Variants in RBBP5 observed in about 807,000 individuals in gnomAD.
RBBP5 encodes the protein RB binding protein 5, histone lysine methyltransferase complex subunit.
Under a neutral mutation model 72.2 loss-of-function variants are expected in RBBP5, and 5 were observed. The ratio of observed to expected loss-of-function variants is 0.07; its 90% CI spans 0.04 to 0.15. The LOEUF (loss-of-function observed/expected upper bound fraction) is 0.15, where lower values mean the gene tolerates loss of function less well. RBBP5 is among the 10% of genes least tolerant of loss of function. The pLI is 1.00. For missense variants in RBBP5, 322 were observed against 652.2 expected, an observed-to-expected ratio of 0.49 and a Z score of 5.51; for synonymous variants, 209 against 237.2, an observed-to-expected ratio of 0.88 and a Z score of 1.09.
chr1:205,096,986 T>A (rs984275848), intron 11 of RBBP5, 75 bp from the exon 12 acceptor site: 15 of 1,311,312 alleles, frequency 1.1e-5, no homozygotes, highest in African/African-American at 1.5e-5. Flanking sequence ...CCTTCCTCTA[T>A]CACCTATATT....
chr1:205,090,619 CAT>C (rs1334502856), intron 13 of RBBP5, among the ~76,000 whole-genome samples: 1 of 152,136 alleles, frequency 6.6e-6, no homozygotes, highest in Non-Finnish European at 1.5e-5. Context: ...CCCAAGGAAA[CAT>C]ATTATTTAGC....
At chr1:205,121,428 G>T (rs1027408737) in intron 1 of RBBP5, among the ~76,000 whole-genome samples, 1 of 152,160 alleles carries the variant, frequency 6.6e-6, no homozygotes, top group Non-Finnish European at 1.5e-5. Flanking sequence ...TCTACCAGAA[G>T]ATCTCCAAGT....
At chr1:205,106,393 G>C (rs1291746342) in intron 3 of RBBP5, among the ~76,000 whole-genome samples, 1 of 152,190 alleles carries the variant, frequency 6.6e-6, no homozygotes, top group East Asian at 1.9e-4. Flanking sequence ...CCCAGAGTTT[G>C]AGACCAGCCT....
intron 3 of RBBP5, among the ~76,000 whole-genome samples, chr1:205,108,020 G>A (rs991072279): frequency 2.0e-5 from 3 of 151,214 alleles, no homozygotes; most frequent in East Asian, 1.9e-4. Context: ...CAAGGCGGGC[G>A]GATCATGAGG....
At chr1:205,101,101 C>A (rs1655802777) in intron 6 of RBBP5, among the ~76,000 whole-genome samples, 1 of 152,126 alleles carries the variant, frequency 6.6e-6, no homozygotes, top group African/African-American at 2.4e-5. Flanking sequence ...GGGTTGGGGA[C>A]CCCTGCTCTA....
At position 205,086,873 on chromosome 1, in the gene RBBP5, T is replaced by C. The variant is rs1655159323; in HGVS notation, c.*1914A>G. On this transcript the variant is annotated 3_prime_UTR_variant, in exon 14 of 14. Coordinates refer to ENST00000264515, the MANE Select transcript of RBBP5 (RefSeq NM_005057.4). ...TCCCATAGTTTGCACACTGCTGCAG[T>C]GTACAGTGCAGAGGACTGGAATGGA... 2.0e-5 allele frequency: 3 copies of C among 152,146 alleles called. No homozygotes were observed. The highest frequency in any genetic ancestry group is 1.3e-4 in the Admixed American group (2 of 15,272). The allele number at this position is 152,146 out of a possible 1,614,324, so 9.4% of individuals were successfully genotyped here.
rs146334633 is a variant in RBBP5 at position 205,117,198 on chromosome 1, G to A, written c.20-1315C>T. On this transcript the variant is annotated intron_variant, in intron 1 of 13. Transcript: ENST00000264515. Reference sequence around the variant, plus strand: ...TCCTGAGCAGCAGCTGGGATTACAGGCATGTGGCACCATGCCCGGCTAATT... The same window carrying A: ...TCCTGAGCAGCAGCTGGGATTACAGACATGTGGCACCATGCCCGGCTAATT... 7.8e-3 allele frequency among the ~76,000 whole-genome samples: 1,183 copies of A among 152,094 alleles called. 12 individuals carry two copies. The highest frequency in any genetic ancestry group is 0.026 in the African/African-American group (1,100 of 41,550).
At chr1:205,096,405 A>C (rs906493518) in intron 12 of RBBP5, among the ~76,000 whole-genome samples, 1 of 152,142 alleles carries the variant, frequency 6.6e-6, no homozygotes, top group Non-Finnish European at 1.5e-5. Flanking sequence ...CTACGGGGAA[A>C]CATTTAAAAG....
At chr1:205,098,901 G>T in intron 10 of RBBP5, 88 bp downstream of exon 10, 12 of 797,232 alleles carry the variant, frequency 1.5e-5, no homozygotes, top group Non-Finnish European at 2.2e-5. Context: ...ATGAAGTGCT[G>T]AAATAAATTT....
At chr1:205,111,746 C>T (rs1409723621) in intron 3 of RBBP5, among the ~76,000 whole-genome samples, 1 of 152,172 alleles carries the variant, frequency 6.6e-6, no homozygotes, top group Non-Finnish European at 1.5e-5. Flanking sequence ...AAAATAAAAG[C>T]TCATCATGTG....
intron 3 of RBBP5, among the ~76,000 whole-genome samples, chr1:205,107,946 CA>C (rs772446580): frequency 0.057 from 5,657 of 99,952 alleles, 354 homozygotes; most frequent in African/African-American, 0.19. Flanking sequence ...AAATCTGTCT[CA>C]AAAAAAAAAA....
At chr1:205,103,729 A>G in intron 5 of RBBP5, 128 bp downstream of exon 5, 1 of 1,065,942 alleles carries the variant, frequency 9.4e-7, no homozygotes, top group South Asian at 1.9e-5. Context: ...AGAAAATTAG[A>G]CTACATTTGC....
Position 205,100,078 on chromosome 1 carries a change from A to C in RBBP5, c.753-14T>G. 1.2e-6 allele frequency: 2 copies of C among 1,613,804 alleles called. No individual in the cohort carries two copies. Among genetic ancestry groups the C allele is most frequent in the Middle Eastern group, 3.3e-4 (2 of 6,062 alleles). On this transcript the variant is annotated splice_polypyrimidine_tract_variant and intron_variant, in intron 7 of 13. Transcript: ENST00000264515. Reference sequence around the variant, plus strand: ...TTCCATGGGGTCCTAAAGGACAAGGAAAGTACCAAGGAGAGCTGGAACTCA... The same window carrying C: ...TTCCATGGGGTCCTAAAGGACAAGGCAAGTACCAAGGAGAGCTGGAACTCA...
At chr1:205,113,761 T>G (rs1656412703) in intron 3 of RBBP5, among the ~76,000 whole-genome samples, 1 of 150,956 alleles carries the variant, frequency 6.6e-6, no homozygotes, top group South Asian at 2.1e-4. Flanking sequence ...CTCAGCTCAC[T>G]GCAACCTCTG....
At chr1:205,094,738 A>T in intron 13 of RBBP5, 135 bp downstream of exon 13, 1 of 1,062,120 alleles carries the variant, frequency 9.4e-7, no homozygotes, top group Non-Finnish European at 1.3e-6. Flanking sequence ...GCAGCAGCTT[A>T]AAATTCAGAA....
chr1:205,093,558 A>ACGCACACG (rs1553352240), intron 13 of RBBP5, among the ~76,000 whole-genome samples: 1 of 115,924 alleles, frequency 8.6e-6, no homozygotes, highest in Non-Finnish European at 1.7e-5. Context: ...ACACACACAC[A>ACGCACACG]CACACACACA....
intron 10 of RBBP5, 59 bp downstream of exon 10, chr1:205,098,930 A>G (rs1487577504): frequency 1.8e-6 from 2 of 1,111,026 alleles, no homozygotes; most frequent in Non-Finnish European, 1.3e-6. Context: ...AATGAAGAAT[A>G]TTAAGTAAAG....
intron 11 of RBBP5, 133 bp downstream of exon 11, chr1:205,097,193 T>C (rs989179803): frequency 3.4e-6 from 3 of 887,712 alleles, no homozygotes; most frequent in Admixed American, 2.6e-5. Flanking sequence ...GGATTTCTTG[T>C]ACACCAAACG....
chr1:205,115,283 T>C (rs1656476974), intron 2 of RBBP5, among the ~76,000 whole-genome samples: 1 of 152,196 alleles, frequency 6.6e-6, no homozygotes, highest in Non-Finnish European at 1.5e-5. Flanking sequence ...GTCATTGTAA[T>C]TCTGGGAATT....
Sources: allele counts gnomAD v4.1 joint callset (sites outside exome capture counted in the v4.1 genomes callset), GRCh38; gene constraint gnomAD v4.1.1; transcripts MANE v1.5; gene names NCBI Gene and HGNC (gene_info 2026-07-23, HGNC 2026-07-21).